Variants in LUC7L2 observed in about 807,000 individuals in gnomAD.
LUC7L2 encodes LUC7 like 2, pre-mRNA splicing factor, also known as putative RNA-binding protein Luc7-like 2.
Under a neutral mutation model 52.8 loss-of-function variants are expected in LUC7L2, and 25 were observed. The ratio of observed to expected loss-of-function variants is 0.47; its 90% CI spans 0.34 to 0.66. The LOEUF is 0.66. Among genes scored for constraint, LUC7L2 ranks in the 30% least tolerant of loss-of-function variants. The probability of loss-of-function intolerance (pLI) is 0.01; values close to 1 mark genes in which losing one functional copy is unlikely to be tolerated. For synonymous variants in LUC7L2, 144 were observed against 160.9 expected (o/e 0.89, Z 0.80); for missense variants, 328 against 497.8 (o/e 0.66, Z 3.25).
chr7:139,368,754 T>TA (rs988152802), intron 1 of LUC7L2, among the ~76,000 whole-genome samples: 5 of 123,256 alleles, frequency 4.1e-5, no homozygotes, highest in African/African-American at 2.1e-4. Context: ...AAAAAAAAAG[T>TA]AAAAAGTGCA....
chr7:139,343,538 C>T (rs1161047673), intron 1 of LUC7L2, among the ~76,000 whole-genome samples: 1 of 152,094 alleles, frequency 6.6e-6, no homozygotes, highest in African/African-American at 2.4e-5. Context: ...CATGTTCATA[C>T]CACTGCTCTC....
intron 1 of LUC7L2, among the ~76,000 whole-genome samples, chr7:139,350,675 A>ATTC (rs1301284464): frequency 8.4e-5 from 11 of 130,560 alleles, no homozygotes; most frequent in African/African-American, 2.2e-4. Context: ...ATGACACCAC[A>ATTC]TTCTTCTTTT....
chr7:139,394,963 T>C (rs1016824410), intron 2 of LUC7L2, among the ~76,000 whole-genome samples: 6 of 152,136 alleles, frequency 3.9e-5, no homozygotes, highest in African/African-American at 1.4e-4. Flanking sequence ...CAGTCAGTCT[T>C]TGGGAGGTAG....
chr7:139,377,159 G>A (rs573899531), intron 2 of LUC7L2, among the ~76,000 whole-genome samples: 2 of 152,208 alleles, frequency 1.3e-5, no homozygotes, highest in African/African-American at 4.8e-5. Flanking sequence ...GAATTTGGAA[G>A]GACTGTGACA....
intron 1 of LUC7L2, among the ~76,000 whole-genome samples, chr7:139,350,840 C>G (rs892128645): frequency 1.3e-5 from 2 of 151,934 alleles, no homozygotes; most frequent in Admixed American, 1.3e-4. Context: ...CAACGCCTGG[C>G]TAATTTTGTA....
rs1795270031 is a variant in LUC7L2 at position 139,409,641 on chromosome 7, G to C, written c.766G>C (p.Glu256Gln). The change falls in exon 7 of 10, where the codon GAG (glutamate) becomes CAG (glutamine). Residue 256 changes from glutamate (E) to glutamine (Q), a missense_variant. By Grantham distance (29) the Glu-to-Gln change is conservative (BLOSUM62 2). Coordinates refer to ENST00000354926, the MANE Select transcript of LUC7L2 (RefSeq NM_016019.5). ...RREEREREEREKLRRSRSHSK... is the reference protein window; with the variant it reads ...RREEREREERQKLRRSRSHSK... ...AGAAGAGAGAGAGAGAGAAGAAAGG[G>C]AGAAGCTGAGGAGGTATGGAGTAAT... 1 of 1,610,310 alleles carries C rather than the reference G, an allele frequency of 6.2e-7. No homozygotes were observed. Among genetic ancestry groups the C allele is most frequent in the Non-Finnish European group, 8.5e-7 (1 of 1,177,976 alleles).
chr7:139,357,595 C>T (rs1799643808), upstream of LUC7L2, among the ~76,000 whole-genome samples: 1 of 152,048 alleles, frequency 6.6e-6, no homozygotes, highest in Admixed American at 6.5e-5. Context: ...AATCAGTTCC[C>T]AAAGGATATC....
At chr7:139,418,495 T>C (rs910827605) in intron 9 of LUC7L2, among the ~76,000 whole-genome samples, 11 of 152,244 alleles carry the variant, frequency 7.2e-5, no homozygotes, top group Non-Finnish European at 5.9e-5. Context: ...GAAGTATATG[T>C]ATGATAAACA....
At chr7:139,388,593 T>C (rs1169985681) in intron 2 of LUC7L2, among the ~76,000 whole-genome samples, 1 of 151,272 alleles carries the variant, frequency 6.6e-6, no homozygotes, top group East Asian at 1.9e-4. Flanking sequence ...ATGTATAACT[T>C]TCATCCTGGA....
At chr7:139,405,912 C>T (rs1048769044) in intron 5 of LUC7L2, 125 bp downstream of exon 5, 1 of 1,341,114 alleles carries the variant, frequency 7.5e-7, no homozygotes, top group Non-Finnish European at 9.7e-7. Context: ...AATTATTGAA[C>T]AGTTGTTAAA....
At position 139,423,131 on chromosome 7, in the gene LUC7L2, A is replaced by G. The variant is rs1355531807; in HGVS notation, c.*791A>G. The G allele has an allele frequency of 2.5e-6, 1 of 398,870 alleles. No individual in the cohort carries two copies. Among genetic ancestry groups the G allele is most frequent in the Non-Finnish European group, 4.4e-6 (1 of 226,008 alleles). The allele number at this position is 398,870 out of a possible 1,614,324, so 24.7% of individuals were successfully genotyped here. On this transcript the variant is annotated 3_prime_UTR_variant, in exon 10 of 10. Coordinates refer to ENST00000354926, the MANE Select transcript of LUC7L2 (RefSeq NM_016019.5). ...CCCTTATTGTAAAAAAATAATAATA[A>G]TAAAATGAAAGAAACAATCACCACC...
At chr7:139,374,454 C>A in intron 1 of LUC7L2, 1 of 1,550,866 alleles carries the variant, frequency 6.4e-7, no homozygotes, top group Non-Finnish European at 8.7e-7. Flanking sequence ...GTCAGAAAGG[C>A]CCCGCATTCG....
At chr7:139,409,910 A>G (rs1436324747) in intron 7 of LUC7L2, among the ~76,000 whole-genome samples, 3 of 152,210 alleles carry the variant, frequency 2.0e-5, no homozygotes, top group African/African-American at 4.8e-5. Flanking sequence ...ATCTTGTAAG[A>G]TTTATAACAA....
intron 1 of LUC7L2, among the ~76,000 whole-genome samples, chr7:139,368,779 T>TAAAGTCTTTTGTGG (rs1338176714): frequency 2.7e-5 from 4 of 149,962 alleles, no homozygotes; most frequent in Admixed American, 2.6e-4. Flanking sequence ...GCATTACAAA[T>TAAAGTCTTTTGTGG]AAAGTCTTTT....
intron 1 of LUC7L2, chr7:139,374,960 C>T: frequency 1.0e-6 from 1 of 987,014 alleles, no homozygotes; most frequent in Non-Finnish European, 1.2e-6. Flanking sequence ...ATGTGAAATA[C>T]AGAGGTATTT....
chr7:139,345,377 A>G (rs1799222090), intron 1 of LUC7L2: 2 of 1,405,640 alleles, frequency 1.4e-6, no homozygotes, highest in South Asian at 1.4e-5. Context: ...ATGTATATAC[A>G]TACATGTCTG....
At chr7:139,363,976 CTTTTTTT>C (rs1169793101) in intron 1 of LUC7L2, among the ~76,000 whole-genome samples, 2,326 of 96,034 alleles carry the variant, frequency 0.024, 35 homozygotes, top group African/African-American at 0.058. Context: ...AGATTACATC[CTTTTTTT>C]TTTTTTTTTT....
At chr7:139,411,566 A>G (rs947940524) in intron 7 of LUC7L2, among the ~76,000 whole-genome samples, 13 of 152,204 alleles carry the variant, frequency 8.5e-5, no homozygotes, top group Non-Finnish European at 1.8e-4. Flanking sequence ...AGAACCAGAA[A>G]TAAAACTCAA....
At chr7:139,358,757 T>A (rs1242856480), upstream of LUC7L2, among the ~76,000 whole-genome samples, 1 of 152,212 alleles carries the variant, frequency 6.6e-6, no homozygotes, top group Admixed American at 6.5e-5. Context: ...TCATCTCGAC[T>A]CACTGCAACC....
Sources: gnomAD v4.1 joint callset for allele counts (sites outside exome capture counted in the v4.1 genomes callset) on GRCh38, gnomAD v4.1.1 for gene constraint, MANE v1.5 for transcripts, NCBI Gene and HGNC (gene_info 2026-07-23, HGNC 2026-07-21) for gene names.